The following DGKB variants were observed in gnomAD, a reference collection of about 807,000 sequenced individuals.
DGKB encodes the protein 90 kDa diacylglycerol kinase.
Under a neutral mutation model 114.3 loss-of-function variants are expected in DGKB, and 67 were observed. The observed-to-expected ratio is 0.59, with a 90% CI of 0.48 to 0.72. The LOEUF (loss-of-function observed/expected upper bound fraction) is 0.72. Ranked by LOEUF, DGKB falls within the 30% of genes least tolerant of loss-of-function variation. The pLI, the probability that DGKB is intolerant of heterozygous loss-of-function variation, is 0.00. For missense variants in DGKB, 907 were observed against 975.2 expected (o/e 0.93, Z 0.93); for synonymous variants, 398 against 323.1 (o/e 1.23, Z -2.49).
At chr7:14,563,719 AT>A (rs374456028) in intron 20 of DGKB, among the ~76,000 whole-genome samples, 122 of 133,712 alleles carry the variant, frequency 9.1e-4, no homozygotes, top group Middle Eastern at 4.0e-3. Context: ...CTACTTTTTC[AT>A]TTTTCTTGAT....
intron 19 of DGKB, among the ~76,000 whole-genome samples, chr7:14,575,745 G>A (rs1411821295): frequency 2.6e-5 from 4 of 152,046 alleles, no homozygotes; most frequent in East Asian, 3.9e-4. Context: ...ATTTTGAGTC[G>A]GAACAACATT....
intron 2 of DGKB, among the ~76,000 whole-genome samples, chr7:14,771,793 T>C (rs1837450388): frequency 6.6e-6 from 1 of 152,094 alleles, no homozygotes; most frequent in Non-Finnish European, 1.5e-5. Flanking sequence ...CCTTCCCCCT[T>C]TGTTTTCCTT....
At chr7:14,173,928 T>C (rs756615709) in intron 25 of DGKB, among the ~76,000 whole-genome samples, 43 of 152,142 alleles carry the variant, frequency 2.8e-4, no homozygotes, top group Non-Finnish European at 5.0e-4. Context: ...ATTTAACAAT[T>C]GTAAGTCATG....
intron 23 of DGKB, among the ~76,000 whole-genome samples, chr7:14,333,757 C>T (rs1020583631): frequency 3.3e-5 from 5 of 152,152 alleles, no homozygotes; most frequent in Non-Finnish European, 5.9e-5. Flanking sequence ...GAGGTCCTCA[C>T]TCTTGGTTAA....
intron 21 of DGKB, among the ~76,000 whole-genome samples, chr7:14,422,559 A>C (rs1196456784): frequency 6.6e-6 from 1 of 152,038 alleles, no homozygotes. Context: ...TATTAATTTC[A>C]AATACCCAAA....
chr7:14,903,291 C>G (rs1438974357), upstream of DGKB: 1 of 153,500 alleles, frequency 6.5e-6, no homozygotes, highest in African/African-American at 2.4e-5. Context: ...CAAGCACCAG[C>G]CCTGCCTATC....
intron 21 of DGKB, among the ~76,000 whole-genome samples, chr7:14,473,311 G>C (rs1329777080): frequency 6.6e-6 from 1 of 152,200 alleles, no homozygotes; most frequent in Non-Finnish European, 1.5e-5. Flanking sequence ...GAGGGTGCAA[G>C]GCTCAAGCCT....
chr7:14,176,156 C>T (rs57625337), intron 25 of DGKB: 39,410 of 158,606 alleles, frequency 0.25, 6,552 homozygotes, highest in African/African-American at 0.48. Flanking sequence ...TTTATTTATT[C>T]GGTCCTCTAT....
At chr7:14,514,387 G>A (rs1016163639) in intron 20 of DGKB, among the ~76,000 whole-genome samples, 7 of 152,036 alleles carry the variant, frequency 4.6e-5, no homozygotes, top group African/African-American at 1.7e-4. Flanking sequence ...ATATTAACTT[G>A]ACTTTCCTCA....
chr7:14,930,525 T>A (rs1411068383), intron 1 of DGKB, among the ~76,000 whole-genome samples: 2 of 152,196 alleles, frequency 1.3e-5, no homozygotes, highest in Non-Finnish European at 2.9e-5. Flanking sequence ...CATTATTATA[T>A]AAAAGTGCTA....
intron 21 of DGKB, among the ~76,000 whole-genome samples, chr7:14,467,171 TTTA>T (rs1563247032): frequency 1.3e-5 from 2 of 149,628 alleles, no homozygotes; most frequent in Admixed American, 1.3e-4. Flanking sequence ...CATAAATATA[TTTA>T]TTTATATAAT....
intron 23 of DGKB, among the ~76,000 whole-genome samples, chr7:14,188,398 CGCCT>C (rs1783770927): frequency 6.7e-6 from 1 of 149,242 alleles, no homozygotes; most frequent in Non-Finnish European, 1.5e-5. Flanking sequence ...CGGTGGCTCA[CGCCT>C]GTAATCCCAG....
At chr7:14,562,763 A>G (rs1183493032) in intron 20 of DGKB, among the ~76,000 whole-genome samples, 1 of 152,158 alleles carries the variant, frequency 6.6e-6, no homozygotes, top group East Asian at 1.9e-4. Context: ...CTTTGATTTT[A>G]CAGGCTCATA....
At chr7:14,295,566 A>T (rs535486267) in intron 23 of DGKB, among the ~76,000 whole-genome samples, 2 of 147,120 alleles carry the variant, frequency 1.4e-5, no homozygotes, top group Non-Finnish European at 3.0e-5. Context: ...AGACTCACCT[A>T]TTTTTTTTTT....
intron 23 of DGKB, among the ~76,000 whole-genome samples, chr7:14,319,334 G>T (rs1051629744): frequency 6.6e-6 from 1 of 151,792 alleles, no homozygotes; most frequent in Non-Finnish European, 1.5e-5. Flanking sequence ...GCAGATATGA[G>T]AATCCAGCTG....
chr7:14,905,864 T>C (rs1783677799), upstream of DGKB, among the ~76,000 whole-genome samples: 1 of 152,166 alleles, frequency 6.6e-6, no homozygotes, highest in Non-Finnish European at 1.5e-5. Context: ...GTGCAGGGCA[T>C]TGGGAAGATA....
chr7:14,161,132 A>G (rs905018160), intron 25 of DGKB, among the ~76,000 whole-genome samples: 3 of 152,238 alleles, frequency 2.0e-5, no homozygotes, highest in African/African-American at 4.8e-5. Context: ...CACGCCAGTT[A>G]GAATGGCGAT....
intron 21 of DGKB, among the ~76,000 whole-genome samples, chr7:14,430,306 T>C (rs1162796777): frequency 6.6e-6 from 1 of 152,150 alleles, no homozygotes; most frequent in Admixed American, 6.5e-5. Context: ...ACAATGCTTG[T>C]TAGATTGTTA....
intron 1 of DGKB, among the ~76,000 whole-genome samples, chr7:14,869,938 G>A (rs4721385): frequency 0.75 from 113,681 of 151,946 alleles, 43,002 homozygotes; most frequent in South Asian, 0.82. Context: ...TATAACCCAC[G>A]ATTTTTTTAT....
Sources: gnomAD v4.1 joint callset for allele counts (sites outside exome capture counted in the v4.1 genomes callset) on GRCh38, gnomAD v4.1.1 for gene constraint, MANE v1.5 for transcripts, NCBI Gene and HGNC (gene_info 2026-07-23, HGNC 2026-07-21) for gene names.